Variants in TMCC3 observed in about 807,000 individuals in gnomAD.
The protein encoded by TMCC3 is transmembrane and coiled-coil domain protein 3.
TMCC3 carries 28 observed loss-of-function variants against 40.2 expected under a neutral mutation model. The observed-to-expected ratio is 0.70, with a 90% CI of 0.52 to 0.95. TMCC3 has a LOEUF of 0.95. TMCC3 is among the 40% of genes least tolerant of loss of function. The pLI is 0.00. For synonymous variants in TMCC3, 255 were observed against 248.5 expected, an observed-to-expected ratio of 1.03 and a Z score of -0.25; for missense variants, 554 against 615.2, an observed-to-expected ratio of 0.90 and a Z score of 1.05.
At chr12:94,614,412 C>T (rs1450732197) in intron 1 of TMCC3, among the ~76,000 whole-genome samples, 1 of 152,066 alleles carries the variant, frequency 6.6e-6, no homozygotes, top group African/African-American at 2.4e-5. Flanking sequence ...CAAGTAATCC[C>T]CCTGGAAGCA....
At chr12:94,649,814 G>A (rs991047313) in intron 1 of TMCC3, among the ~76,000 whole-genome samples, 3 of 152,258 alleles carry the variant, frequency 2.0e-5, no homozygotes, top group Non-Finnish European at 4.4e-5. Context: ...ACTCCGGAGA[G>A]GCAGCGCAAA....
At chr12:94,646,480 CCAGG>C (rs1228456507) in intron 1 of TMCC3, among the ~76,000 whole-genome samples, 1 of 147,170 alleles carries the variant, frequency 6.8e-6, no homozygotes, top group East Asian at 2.0e-4. Flanking sequence ...CTCTTGTCCC[CCAGG>C]CTGGAGTGCA....
chr12:94,650,322 C>T (rs2069049069), intron 1 of TMCC3, 31 bp downstream of exon 1: 2 of 1,238,770 alleles, frequency 1.6e-6, no homozygotes, highest in African/African-American at 1.6e-5. Context: ...GGCCCGCGCG[C>T]ACCCGCCGCC....
At chr12:94,642,015 GTAAA>G (rs1324755618) in intron 1 of TMCC3, among the ~76,000 whole-genome samples, 1 of 151,872 alleles carries the variant, frequency 6.6e-6, no homozygotes, top group Admixed American at 6.6e-5. Flanking sequence ...CCAAAAACCT[GTAAA>G]TAAATTCAGA....
chr12:94,633,866 G>A (rs933570654), intron 1 of TMCC3, among the ~76,000 whole-genome samples: 1 of 152,018 alleles, frequency 6.6e-6, no homozygotes, highest in Admixed American at 6.6e-5. Flanking sequence ...CAAAGTATCA[G>A]GAAACATTAA....
intron 1 of TMCC3, among the ~76,000 whole-genome samples, chr12:94,626,343 T>C (rs1393974581): frequency 6.6e-6 from 1 of 152,124 alleles, no homozygotes; most frequent in African/African-American, 2.4e-5. Context: ...AAACACCAAT[T>C]AGCATCTTCA....
chr12:94,588,742 G>A (rs552966093), intron 1 of TMCC3, among the ~76,000 whole-genome samples: 5 of 151,972 alleles, frequency 3.3e-5, no homozygotes, highest in Non-Finnish European at 7.4e-5. Flanking sequence ...TAAAGTCTAG[G>A]CCAACCTTGT....
rs144792017 is a variant in TMCC3, at chr12:94,594,621, G to A, written c.79-12083C>T. Among the ~76,000 whole-genome samples, 378 of 152,260 alleles carry A rather than the reference G, an allele frequency of 2.5e-3. 4 individuals are homozygous for A. Among genetic ancestry groups the A allele is most frequent in the African/African-American group, 8.7e-3 (362 of 41,534 alleles). On this transcript the variant is annotated intron_variant, in intron 1 of 3. Transcript: ENST00000261226. Reference sequence around the variant, plus strand: ...GAAGAGGGGAAGCCAGCAAGGAAGGGGATGTGGGAATATCGAGTTTACTCT... The same window carrying A: ...GAAGAGGGGAAGCCAGCAAGGAAGGAGATGTGGGAATATCGAGTTTACTCT...
At chr12:94,596,034 A>G (rs1438012421) in intron 1 of TMCC3, among the ~76,000 whole-genome samples, 1 of 152,226 alleles carries the variant, frequency 6.6e-6, no homozygotes, top group East Asian at 1.9e-4. Flanking sequence ...GATAAATCAG[A>G]TTATACCCTG....
intron 1 of TMCC3, among the ~76,000 whole-genome samples, chr12:94,629,274 A>G (rs1384261151): frequency 1.3e-5 from 2 of 152,172 alleles, no homozygotes; most frequent in Admixed American, 6.5e-5. Flanking sequence ...CCAAGCAGGA[A>G]GGGAGGGTGG....
chr12:94,572,010 G>A (rs1458592020), intron 3 of TMCC3, among the ~76,000 whole-genome samples: 2 of 151,904 alleles, frequency 1.3e-5, no homozygotes, highest in East Asian at 1.9e-4. Flanking sequence ...GACTTTACCT[G>A]TTTTTTTTGA....
In TMCC3 at chr12:94,582,170, A is replaced by G. The variant is rs1256072569; in HGVS notation, c.447T>C (p.Ser149=). 6.2e-7 allele frequency: 1 copy of G among 1,613,972 alleles called. No individual in the cohort carries two copies. Among genetic ancestry groups the G allele is most frequent in the Non-Finnish European group, 8.5e-7 (1 of 1,180,024 alleles). The part of the protein sequence containing the change: ...KLREIEQNGA[S]RSSKDISKDH... ...CTTTGGAAATGTCCTTTGAGCTCCT[A>G]GAGGCTCCATTCTGCTCGATCTCTC... is the stretch of plus-strand genomic sequence containing the variant. Residue 149 remains serine, a synonymous_variant, in exon 2 of 4, where the codon TCT becomes TCC. Coordinates refer to ENST00000261226, the MANE Select transcript of TMCC3 (RefSeq NM_020698.4).
chr12:94,614,285 C>T (rs1272242606), intron 1 of TMCC3, among the ~76,000 whole-genome samples: 1 of 152,076 alleles, frequency 6.6e-6, no homozygotes, highest in East Asian at 1.9e-4. Context: ...GTGACCTGGT[C>T]TCAAAGGTCC....
At chr12:94,601,272 TG>T (rs2068750746) in intron 1 of TMCC3, among the ~76,000 whole-genome samples, 1 of 152,114 alleles carries the variant, frequency 6.6e-6, no homozygotes, top group South Asian at 2.1e-4. Flanking sequence ...CCCAACACTT[TG>T]GGAGGCTGAG....
At chr12:94,644,267 C>G in intron 1 of TMCC3, 4 of 430,516 alleles carry the variant, frequency 9.3e-6, no homozygotes, top group Non-Finnish European at 1.2e-5. Context: ...TTCCTCTTCT[C>G]TTGTCACCCT....
intron 1 of TMCC3, chr12:94,591,074 T>G: frequency 2.0e-6 from 1 of 510,424 alleles, no homozygotes; most frequent in African/African-American, 2.0e-5. Context: ...ATTCCAATGC[T>G]CTTTGTCCTG....
At chr12:94,593,511 C>T (rs921880760) in intron 1 of TMCC3, among the ~76,000 whole-genome samples, 1 of 151,172 alleles carries the variant, frequency 6.6e-6, no homozygotes, top group South Asian at 2.1e-4. Flanking sequence ...AGTAAAATCT[C>T]GTCACTCTAG....
intron 1 of TMCC3, among the ~76,000 whole-genome samples, chr12:94,645,369 T>C (rs1363955613): frequency 1.3e-5 from 2 of 152,234 alleles, no homozygotes; most frequent in Non-Finnish European, 2.9e-5. Context: ...CTCTTTCATA[T>C]AGTACAGGTC....
intron 1 of TMCC3, among the ~76,000 whole-genome samples, chr12:94,634,670 G>C (rs1215520578): frequency 1.3e-5 from 2 of 152,326 alleles, no homozygotes; most frequent in East Asian, 1.9e-4. Context: ...GGTAGAAACA[G>C]ATGCTGATTT....
Sources: gnomAD v4.1 joint callset for allele counts (sites outside exome capture counted in the v4.1 genomes callset) on GRCh38, gnomAD v4.1.1 for gene constraint, MANE v1.5 for transcripts, NCBI Gene and HGNC (gene_info 2026-07-23, HGNC 2026-07-21) for gene names.